The following SECISBP2L variants were observed in gnomAD, a reference collection of about 807,000 sequenced individuals.
The protein encoded by SECISBP2L is SECIS binding protein 2 like.
A neutral mutation model predicts 114.7 loss-of-function variants in SECISBP2L; 43 were observed. That is an observed-to-expected ratio of 0.38 (90% CI 0.29 to 0.48). The LOEUF (loss-of-function observed/expected upper bound fraction) is 0.48, where lower values mean the gene tolerates loss of function less well. Ranked by LOEUF, SECISBP2L falls within the 20% of genes least tolerant of loss-of-function variation. The pLI is 0.98. For synonymous variants in SECISBP2L, 451 were observed against 439.7 expected (o/e 1.03, Z -0.32); for missense variants, 1,136 against 1,301.1 (o/e 0.87, Z 1.95).
At chr15:49,042,636 T>C (rs1903164845) in intron 1 of SECISBP2L, 1 of 152,266 alleles carries the variant, frequency 6.6e-6, no homozygotes, top group African/African-American at 2.4e-5. Context: ...TACACCACCA[T>C]GCTGGGCCCC....
At position 49,037,555 on chromosome 15, in the gene SECISBP2L, C is replaced by A. The variant is rs752731992; in HGVS notation, c.203+36G>T. 4.4e-6 allele frequency: 7 copies of A among 1,584,758 alleles called. No individual in the cohort carries two copies. In the South Asian group the frequency reaches 7.0e-5, roughly 16 times the overall value. Reference sequence around the variant, plus strand: ...TGCACTTTGCCAGCTTTTATAGCCACCCCCACAAAAAAGAAAATAAAAATA... The same window carrying A: ...TGCACTTTGCCAGCTTTTATAGCCAACCCCACAAAAAAGAAAATAAAAATA... On this transcript the variant is annotated intron_variant, in intron 2 of 17. Transcript: ENST00000559471.
intron 11 of SECISBP2L, among the ~76,000 whole-genome samples, chr15:49,014,632 A>G (rs1566856709): frequency 6.6e-6 from 1 of 152,046 alleles, no homozygotes; most frequent in Non-Finnish European, 1.5e-5. Flanking sequence ...ACCTGTTTCC[A>G]GATCCATCAT....
chr15:49,033,154 G>C (rs1902934218), intron 3 of SECISBP2L, 54 bp from the exon 4 acceptor site: 5 of 1,544,576 alleles, frequency 3.2e-6, no homozygotes, highest in Non-Finnish European at 4.4e-6. Context: ...TCAATGTACT[G>C]AACATTATAA....
Position 49,041,900 on chromosome 15 carries a change from G to GT in SECISBP2L, c.25-4132dup, listed in dbSNP as rs1156605593. 5.3e-5 allele frequency among the ~76,000 whole-genome samples: 8 copies of GT among 152,260 alleles called. No individual in the cohort carries two copies. The East Asian group carries it at 5.8e-4, about 11-fold the overall frequency. The stretch of plus-strand genomic sequence containing the variant: ...TTAAGAGATAACTACTAGCTGTGCT[G>GT]TTTTTTTGATTAAAATGCCGAAACA... On this transcript the variant is annotated intron_variant, in intron 1 of 17. Coordinates refer to ENST00000559471, the MANE Select transcript of SECISBP2L (RefSeq NM_001193489.2).
intron 16 of SECISBP2L, among the ~76,000 whole-genome samples, chr15:48,999,089 T>C (rs1226499197): frequency 1.3e-5 from 2 of 152,176 alleles, no homozygotes; most frequent in Admixed American, 6.5e-5. Flanking sequence ...TATATGCTCA[T>C]AGAGCAGGTG....
intron 17 of SECISBP2L, among the ~76,000 whole-genome samples, chr15:48,994,730 TA>T (rs902174539): frequency 6.6e-6 from 1 of 151,930 alleles, no homozygotes; most frequent in Non-Finnish European, 1.5e-5. Context: ...ACTTTTTACA[TA>T]TACAGTCAAA....
Position 49,035,233 on chromosome 15 carries a change from T to C in SECISBP2L, c.528+101A>G, listed in dbSNP as rs556317734. 6 of 951,030 alleles carry C rather than the reference T, an allele frequency of 6.3e-6. 1 individual carries two copies. Among genetic ancestry groups the C allele is most frequent in the South Asian group, 5.0e-5 (3 of 59,824 alleles). 58.9% of individuals were successfully genotyped at this position (951,030 alleles called of 1,614,324 possible). A position where few individuals can be genotyped will look rare whatever the true frequency, so the allele number is the denominator to read the frequency against. On this transcript the variant is annotated intron_variant, in intron 3 of 17. Coordinates refer to ENST00000559471, the MANE Select transcript of SECISBP2L (RefSeq NM_001193489.2). Reference sequence around the variant, plus strand: ...TTACAATAGTGAACAATATGTTTTATAGTAAATTCAGCATTAATGGTCAAT... The same window carrying C: ...TTACAATAGTGAACAATATGTTTTACAGTAAATTCAGCATTAATGGTCAAT...
chr15:49,001,823 T>C (rs975573332), intron 14 of SECISBP2L: 4 of 152,288 alleles, frequency 2.6e-5, no homozygotes, highest in Non-Finnish European at 5.9e-5. Context: ...TAGTATTCCA[T>C]GGTGTGTATG....
At chr15:49,015,869 C>T (rs1036772150) in intron 11 of SECISBP2L, among the ~76,000 whole-genome samples, 2 of 152,102 alleles carry the variant, frequency 1.3e-5, no homozygotes, top group Non-Finnish European at 2.9e-5. Flanking sequence ...TATCAACTGA[C>T]ATTTATGCAG....
In SECISBP2L at chr15:48,999,867, C is replaced by T. The variant is rs1191905958; in HGVS notation, c.2369G>A (p.Ser790Asn). 1 of 1,613,864 alleles carries T rather than the reference C, an allele frequency of 6.2e-7. No individual in the cohort carries two copies. Among genetic ancestry groups the T allele is most frequent in the Non-Finnish European group, 8.5e-7 (1 of 1,179,916 alleles). ...AAAGTAGTTGAAGATTCCCACTACG[C>T]TAACAGGAACCAGCTTGTTCACACA... Reference protein sequence around the residue: ...GRCVNKLVPVSVVGIFNYFGA... With the variant: ...GRCVNKLVPVNVVGIFNYFGA... Residue 790 changes from serine to asparagine, a missense_variant, in exon 16 of 18, where the codon AGC becomes AAC. Transcript: ENST00000559471.
At chr15:49,038,239 A>G (rs1249130194) in intron 1 of SECISBP2L, among the ~76,000 whole-genome samples, 1 of 152,170 alleles carries the variant, frequency 6.6e-6, no homozygotes, top group Non-Finnish European at 1.5e-5. Context: ...TATCATTAAA[A>G]GAAAAAATGT....
At chr15:49,000,179 A>G (rs1902172980) in intron 15 of SECISBP2L, among the ~76,000 whole-genome samples, 192 bp from the exon 16 acceptor site, 1 of 152,164 alleles carries the variant, frequency 6.6e-6, no homozygotes, top group Non-Finnish European at 1.5e-5. Flanking sequence ...TTTCTCCCCT[A>G]TTAAATTCCA....
chr15:49,013,359 C>T (rs765595896), intron 11 of SECISBP2L, among the ~76,000 whole-genome samples: 29 of 152,240 alleles, frequency 1.9e-4, no homozygotes, highest in African/African-American at 6.5e-4. Context: ...TGCAGTGGCA[C>T]GATCTCGGCT....
At chr15:49,036,471 T>G (rs4536401) in intron 2 of SECISBP2L, among the ~76,000 whole-genome samples, 78,856 of 152,130 alleles carry the variant, frequency 0.52, 22,314 homozygotes, top group Non-Finnish European at 0.63. Flanking sequence ...TCTGTTGGCT[T>G]GTTTACTCAT....
chr15:49,004,626 G>A (rs560017376), intron 14 of SECISBP2L, among the ~76,000 whole-genome samples: 46 of 152,248 alleles, frequency 3.0e-4, no homozygotes, highest in Middle Eastern at 6.8e-3. Flanking sequence ...ATTCTAGTAC[G>A]TTGTGTCTTT....
At chr15:49,032,847 G>A in intron 4 of SECISBP2L, 118 bp downstream of exon 4, 1 of 1,293,366 alleles carries the variant, frequency 7.7e-7, no homozygotes, top group Non-Finnish European at 1.1e-6. Context: ...CAAAGTGGCA[G>A]GACAAATGAA....
chr15:49,044,532 T>G (rs1423396793), intron 1 of SECISBP2L, among the ~76,000 whole-genome samples: 1 of 152,186 alleles, frequency 6.6e-6, no homozygotes, highest in Non-Finnish European at 1.5e-5. Context: ...TATATATATT[T>G]TCTGAGTGTA....
chr15:49,035,368 C>T lies in SECISBP2L; in HGVS notation c.494G>A (p.Ser165Asn). The stretch of plus-strand genomic sequence containing the variant: ...CACTGATCCTCTGTTACTGTTTCTG[C>T]TTCGATGGCTGGACAATGGGAAGAC... ...GQVFPLSSHRSRNSNRGSVVP... is the reference protein window; with the variant it reads ...GQVFPLSSHRNRNSNRGSVVP... Residue 165 changes from serine to asparagine, a missense_variant, in exon 3 of 18, where the codon AGC becomes AAC. Transcript: ENST00000559471. The T allele has an allele frequency of 6.2e-7, 1 of 1,614,146 alleles. No individual in the cohort carries two copies. The highest frequency in any genetic ancestry group is 8.5e-7 in the Non-Finnish European group (1 of 1,180,012).
intron 14 of SECISBP2L, among the ~76,000 whole-genome samples, chr15:49,003,766 G>A (rs191702007): frequency 1.2e-4 from 19 of 152,328 alleles, no homozygotes; most frequent in African/African-American, 4.6e-4. Context: ...TGGTAAACCA[G>A]CCTTGCATCC....
Sources: gnomAD v4.1 joint callset for allele counts (sites outside exome capture counted in the v4.1 genomes callset) on GRCh38, gnomAD v4.1.1 for gene constraint, MANE v1.5 for transcripts, NCBI Gene and HGNC (gene_info 2026-07-23, HGNC 2026-07-21) for gene names.